Variants in ANXA11 observed in about 807,000 individuals in gnomAD.
ANXA11 encodes 56 kDa autoantigen.
In ANXA11, 57 loss-of-function variants were observed where a neutral mutation model predicts 64.7. The ratio of observed to expected loss-of-function variants is 0.88; its 90% confidence interval spans 0.71 to 1.10. The LOEUF is 1.10. Among genes scored for constraint, ANXA11 ranks in the 50% least tolerant of loss-of-function variants. The pLI, the probability that ANXA11 is intolerant of heterozygous loss-of-function variation, is 0.00. For synonymous variants in ANXA11, 260 were observed against 265.2 expected (o/e 0.98, Z 0.19); for missense variants, 675 against 670.7 (o/e 1.01, Z -0.07).
At chr10:80,173,655 T>A (rs1339499941) in intron 2 of ANXA11, among the ~76,000 whole-genome samples, 2 of 152,162 alleles carry the variant, frequency 1.3e-5, no homozygotes, top group African/African-American at 2.4e-5. Flanking sequence ...GGGACACAGA[T>A]CTGCTGTGAC....
intron 3 of ANXA11, chr10:80,171,169 G>C: frequency 7.4e-7 from 1 of 1,358,106 alleles, no homozygotes; most frequent in Non-Finnish European, 9.5e-7. Flanking sequence ...ACCCTCTGTG[G>C]GGTATTAAGG....
chr10:80,163,325 C>T, intron 11 of ANXA11, 24 bp downstream of exon 11: 5 of 1,612,552 alleles, frequency 3.1e-6, no homozygotes, highest in Non-Finnish European at 4.2e-6. Context: ...TTAGGAAGTC[C>T]AGGGGCTTGG....
intron 12 of ANXA11, among the ~76,000 whole-genome samples, chr10:80,161,514 C>T (rs568209215): frequency 1.3e-5 from 2 of 152,352 alleles, no homozygotes; most frequent in South Asian, 2.1e-4. Context: ...TGCCCCCCAC[C>T]GTGGCCCCAC....
Position 80,169,373 on chromosome 10 carries a change from A to G in ANXA11, c.172-15T>C, listed in dbSNP as rs925389234. On this transcript the variant is annotated splice_polypyrimidine_tract_variant and intron_variant, in intron 4 of 15. Transcript: ENST00000422982. ...ATGTTGGCCGCCTGCAAGGACACAA[A>G]GCAGAGCCTGAGGCCAATGGGCCCT... The G allele has an allele frequency of 2.5e-6, 4 of 1,601,720 alleles. No homozygotes were observed. The African/African-American group carries it at 5.3e-5, about 21-fold the overall frequency.
intron 12 of ANXA11, among the ~76,000 whole-genome samples, chr10:80,161,339 G>A (rs61691422): frequency 0.015 from 2,330 of 152,304 alleles, 59 homozygotes; most frequent in African/African-American, 0.053. Flanking sequence ...AGTGGGGACT[G>A]GCCCAAGCAC....
chr10:80,182,370 AAAGC>A (rs1846387059), intron 1 of ANXA11, among the ~76,000 whole-genome samples: 1 of 152,198 alleles, frequency 6.6e-6, no homozygotes, highest in South Asian at 2.1e-4. Flanking sequence ...CACAAAATGA[AAAGC>A]AAGCATTCTT....
rs778864661 is a variant in ANXA11, at chr10:80,157,765, TA to T, written c.1336-3del. The T allele has an allele frequency of 2.5e-6, 4 of 1,612,532 alleles. No individual in the cohort carries two copies. The South Asian group carries it at 4.4e-5, about 18-fold the overall frequency. On this transcript the variant is annotated splice_polypyrimidine_tract_variant and splice_region_variant and intron_variant, in intron 14 of 15. Transcript: ENST00000422982. Reference sequence around the variant, plus strand: ...GGTCCGGTCCTTTGTTCCTGCCCCCTAAAGAGAGTCCACCCAAGAGCATGAG... The same window carrying T: ...GGTCCGGTCCTTTGTTCCTGCCCCCTAAGAGAGTCCACCCAAGAGCATGAG...
intron 14 of ANXA11, 46 bp downstream of exon 14, chr10:80,157,921 G>A (rs752929121): frequency 1.0e-5 from 16 of 1,606,166 alleles, no homozygotes; most frequent in Non-Finnish European, 1.4e-5. Context: ...CCCAGGCACA[G>A]GCGAGGCTAA....
chr10:80,186,485 T>G (rs1846544652), intron 1 of ANXA11, among the ~76,000 whole-genome samples: 1 of 152,106 alleles, frequency 6.6e-6, no homozygotes, highest in Admixed American at 6.5e-5. Flanking sequence ...TATGGGGGCC[T>G]GCTCCACTCC....
At chr10:80,201,382 CTG>C (rs537314723) in intron 1 of ANXA11, among the ~76,000 whole-genome samples, 189 of 152,296 alleles carry the variant, frequency 1.2e-3, no homozygotes, top group South Asian at 6.0e-3. Context: ...TTCAATCTCG[CTG>C]TGCCCATGAC....
chr10:80,199,774 T>C (rs1294003305), intron 1 of ANXA11, among the ~76,000 whole-genome samples: 1 of 152,274 alleles, frequency 6.6e-6, no homozygotes, highest in Non-Finnish European at 1.5e-5. Flanking sequence ...CAGCCATTTC[T>C]CTCTGGCATT....
At chr10:80,171,118 C>T (rs1442336681) in intron 3 of ANXA11, 2 of 1,487,278 alleles carry the variant, frequency 1.3e-6, no homozygotes, top group East Asian at 2.6e-5. Context: ...ACCTTCCCCT[C>T]TTCCCAGGGA....
At chr10:80,159,833 C>G (rs889989098) in intron 12 of ANXA11, among the ~76,000 whole-genome samples, 1 of 152,184 alleles carries the variant, frequency 6.6e-6, no homozygotes, top group Admixed American at 6.5e-5. Flanking sequence ...AGACAGTGTC[C>G]CCTCTTCTCA....
At chr10:80,182,439 A>G (rs1027008890) in intron 1 of ANXA11, among the ~76,000 whole-genome samples, 1 of 152,226 alleles carries the variant, frequency 6.6e-6, no homozygotes, top group Admixed American at 6.5e-5. Context: ...CGTACAGTTT[A>G]AAACACACAG....
intron 1 of ANXA11, among the ~76,000 whole-genome samples, chr10:80,204,175 G>A (rs1383562086): frequency 6.6e-6 from 1 of 152,222 alleles, no homozygotes; most frequent in Non-Finnish European, 1.5e-5. Flanking sequence ...AGATAGCAAG[G>A]TATGCAGGAG....
chr10:80,187,394 T>A (rs186656420), intron 1 of ANXA11, among the ~76,000 whole-genome samples: 1 of 152,196 alleles, frequency 6.6e-6, no homozygotes, highest in African/African-American at 2.4e-5. Flanking sequence ...AGACACTGAG[T>A]CTGCTGGCAC....
In ANXA11 at chr10:80,163,578, C is replaced by T. The variant is rs563755093; in HGVS notation, c.985G>A (p.Asp329Asn). The T allele has an allele frequency of 5.8e-5, 91 of 1,567,170 alleles. No individual in the cohort carries two copies. In the South Asian group the frequency reaches 9.8e-4, roughly 17 times the overall value. The change falls in exon 10 of 16, where the codon GAC (aspartate) becomes AAC (asparagine). Residue 329 changes from aspartate (D) to asparagine (N), a missense_variant. Coordinates refer to ENST00000422982, the MANE Select transcript of ANXA11 (RefSeq NM_145868.2). ...KKTLEEAIRS[D>N]TSGHFQRLLI... is the part of the protein sequence containing the mutation. ...AGCCGCTGGAAGTGCCCTGATGTGT[C>T]GCTTCGAATGGCCTCTTCCAGGGTC...
At chr10:80,168,581 G>C (rs535016494) in intron 5 of ANXA11, among the ~76,000 whole-genome samples, 2 of 152,130 alleles carry the variant, frequency 1.3e-5, no homozygotes, top group Middle Eastern at 3.2e-3. Context: ...CTAGGCTGGA[G>C]TGAGTGCAGC....
chr10:80,166,420 G>GT, intron 7 of ANXA11: 1 of 529,282 alleles, frequency 1.9e-6, no homozygotes, highest in Non-Finnish European at 3.4e-6. Flanking sequence ...ACACAATGAA[G>GT]TTTGAGAAGC....
Sources: gnomAD v4.1 joint callset for allele counts (sites outside exome capture counted in the v4.1 genomes callset) on GRCh38, gnomAD v4.1.1 for gene constraint, MANE v1.5 for transcripts, NCBI Gene and HGNC (gene_info 2026-07-23, HGNC 2026-07-21) for gene names.